SNX6: variants seen among roughly 807,000 people sequenced by gnomAD.
SNX6 encodes sorting nexin-6.
In SNX6, 34 loss-of-function variants were observed where a neutral mutation model predicts 63.0. That is an observed-to-expected ratio of 0.54 (90% confidence interval 0.41 to 0.72). SNX6 has a LOEUF of 0.72. SNX6 is among the 30% of genes least tolerant of loss of function. SNX6 has a pLI of 0.00. For missense variants in SNX6, 398 were observed against 471.4 expected, an observed-to-expected ratio of 0.84 and a Z score of 1.44; for synonymous variants, 170 against 164.2, an observed-to-expected ratio of 1.04 and a Z score of -0.27.
intron 10 of SNX6, among the ~76,000 whole-genome samples, chr14:34,580,526 C>G (rs1264301990): frequency 1.3e-5 from 2 of 151,988 alleles, no homozygotes; most frequent in East Asian, 3.9e-4. Context: ...TGGTCGAACT[C>G]CTGGCCTCTA....
rs143009150 is a variant in SNX6, at chr14:34,614,039, G to A, written c.55-4297C>T. On this transcript the variant is annotated intron_variant, in intron 2 of 13. Coordinates refer to ENST00000362031, the MANE Select transcript of SNX6 (RefSeq NM_152233.4). Reference sequence around the variant, plus strand: ...AGCAAACTGCTTGAACCTGGGAGGCGGAAGTTGCAGTGAGGTGAGATGGTG... The same window carrying A: ...AGCAAACTGCTTGAACCTGGGAGGCAGAAGTTGCAGTGAGGTGAGATGGTG... Among the ~76,000 whole-genome samples the A allele has an allele frequency of 6.0e-3, 914 of 151,230 alleles. 3 individuals are homozygous for A. Among genetic ancestry groups the A allele is most frequent in the African/African-American group, 0.021 (880 of 41,224 alleles).
At chr14:34,583,296 G>A (rs1594710101) in intron 9 of SNX6, among the ~76,000 whole-genome samples, 2 of 152,118 alleles carry the variant, frequency 1.3e-5, no homozygotes, top group African/African-American at 2.4e-5. Context: ...GCAACAGAGC[G>A]AGACTCCGTC....
At chr14:34,612,278 A>G (rs1201082239) in intron 2 of SNX6, among the ~76,000 whole-genome samples, 1 of 152,066 alleles carries the variant, frequency 6.6e-6, no homozygotes, top group Non-Finnish European at 1.5e-5. Context: ...TAGGCTGAAC[A>G]ATGGCTCCCC....
At position 34,630,130 on chromosome 14, in the gene SNX6, C is replaced by T; in HGVS notation, c.-14G>A. On this transcript the variant is annotated 5_prime_UTR_variant, in exon 1 of 14. Coordinates refer to ENST00000362031, the MANE Select transcript of SNX6 (RefSeq NM_152233.4). ...ACCCACCATCATGGCTGCTCCGAGG[C>T]GAGGGCCGGCGCAGGCGCGCATCTC... is the stretch of plus-strand genomic sequence containing the variant. The T allele has an allele frequency of 1.5e-6, 2 of 1,333,002 alleles. No homozygotes were observed. Among genetic ancestry groups the T allele is most frequent in the Non-Finnish European group, 1.9e-6 (2 of 1,047,512 alleles). The allele number at this position is 1,333,002 out of a possible 1,614,324, so 82.6% of individuals were successfully genotyped here.
chr14:34,575,142 C>T (rs957771335), intron 11 of SNX6, among the ~76,000 whole-genome samples: 3 of 150,052 alleles, frequency 2.0e-5, no homozygotes, highest in South Asian at 2.1e-4. Flanking sequence ...TCCACCACCT[C>T]AGCCTCCCAA....
chr14:34,580,308 A>ATT (rs1371649214), intron 10 of SNX6, among the ~76,000 whole-genome samples: 2 of 152,028 alleles, frequency 1.3e-5, no homozygotes, highest in African/African-American at 4.8e-5. Flanking sequence ...TTTTCTATTC[A>ATT]TTTTCTTTCT....
At chr14:34,612,023 C>T (rs1173765683) in intron 2 of SNX6, among the ~76,000 whole-genome samples, 3 of 152,208 alleles carry the variant, frequency 2.0e-5, no homozygotes, top group Admixed American at 1.3e-4. Flanking sequence ...TCGTGATACG[C>T]CCGCCTCGGC....
intron 2 of SNX6, among the ~76,000 whole-genome samples, chr14:34,616,954 C>T (rs561802220): frequency 2.6e-5 from 4 of 151,980 alleles, no homozygotes; most frequent in Admixed American, 6.6e-5. Context: ...GTGGTGTGGG[C>T]GCCTGTAATC....
intron 2 of SNX6, among the ~76,000 whole-genome samples, chr14:34,615,286 CAAAT>C (rs59053569): frequency 0.029 from 4,451 of 152,204 alleles, 182 homozygotes; most frequent in African/African-American, 0.095. Context: ...AGAGCTTTAA[CAAAT>C]ATATAGGCCA....
chr14:34,601,292 C>T (rs1239904470), intron 6 of SNX6, among the ~76,000 whole-genome samples: 1 of 151,566 alleles, frequency 6.6e-6, no homozygotes, highest in Non-Finnish European at 1.5e-5. Flanking sequence ...GTGGCGCAAC[C>T]TTGGCTCACT....
intron 2 of SNX6, chr14:34,629,489 C>T (rs770424403): frequency 2.1e-6 from 1 of 481,426 alleles, no homozygotes; most frequent in East Asian, 6.2e-5. Context: ...GAAGGGTGGG[C>T]GGGAGCAAGT....
At position 34,630,096 on chromosome 14, in the gene SNX6, G is replaced by A. The variant is rs1374706544; in HGVS notation, c.6+15C>T. 6 of 1,447,616 alleles carry A rather than the reference G, an allele frequency of 4.1e-6. No homozygotes were observed. Among genetic ancestry groups the A allele is most frequent in the East Asian group, 5.8e-5 (2 of 34,494 alleles). 89.7% of individuals were successfully genotyped at this position (1,447,616 alleles called of 1,614,324 possible). Reference sequence around the variant, plus strand: ...CACCGCGCTCCCGGGACTCGGCGCCGCGGAGAACACCCACCATCATGGCTG... The same window carrying A: ...CACCGCGCTCCCGGGACTCGGCGCCACGGAGAACACCCACCATCATGGCTG... On this transcript the variant is annotated intron_variant, in intron 1 of 13. Coordinates refer to ENST00000362031, the MANE Select transcript of SNX6 (RefSeq NM_152233.4).
At chr14:34,589,475 AC>A (rs1334459278) in intron 8 of SNX6, among the ~76,000 whole-genome samples, 1 of 151,788 alleles carries the variant, frequency 6.6e-6, no homozygotes, top group Non-Finnish European at 1.5e-5. Context: ...ACAAAACAAA[AC>A]AAAAAACAAA....
At chr14:34,587,538 A>G (rs1236958525) in intron 8 of SNX6, among the ~76,000 whole-genome samples, 4 of 140,700 alleles carry the variant, frequency 2.8e-5, no homozygotes, top group African/African-American at 9.0e-5. Flanking sequence ...ATCTCAAAAA[A>G]AAAAAAAAAA....
At chr14:34,629,673 G>C in intron 2 of SNX6, 1 of 730,584 alleles carries the variant, frequency 1.4e-6, no homozygotes, top group Non-Finnish European at 2.4e-6. Context: ...CAGAAGGCCC[G>C]AACAGCGGCG....
chr14:34,619,471 G>A (rs992976322), intron 2 of SNX6, among the ~76,000 whole-genome samples: 2 of 151,566 alleles, frequency 1.3e-5, no homozygotes, highest in African/African-American at 4.9e-5. Context: ...GAGAGAGATA[G>A]AATAAATATA....
intron 13 of SNX6, among the ~76,000 whole-genome samples, chr14:34,564,113 T>C (rs1030804449): frequency 6.6e-6 from 1 of 152,130 alleles, no homozygotes; most frequent in Non-Finnish European, 1.5e-5. Context: ...GTGCAACCTC[T>C]GCCTCCCGGG....
intron 8 of SNX6, among the ~76,000 whole-genome samples, chr14:34,588,573 T>C (rs929919851): frequency 3.3e-5 from 5 of 152,066 alleles, no homozygotes; most frequent in African/African-American, 7.2e-5. Flanking sequence ...AAACTTATAA[T>C]AGCATAAAAA....
intron 2 of SNX6, among the ~76,000 whole-genome samples, chr14:34,618,369 G>A (rs932321892): frequency 7.9e-5 from 12 of 151,826 alleles, no homozygotes; most frequent in Non-Finnish European, 1.5e-4. Flanking sequence ...TGGGGAGGGG[G>A]GGATGGAGTC....
Sources: allele counts gnomAD v4.1 joint callset (sites outside exome capture counted in the v4.1 genomes callset), GRCh38; gene constraint gnomAD v4.1.1; transcripts MANE v1.5; gene names NCBI Gene and HGNC (gene_info 2026-07-23, HGNC 2026-07-21).